Variants in PNO1 observed in about 807,000 individuals in gnomAD.
The protein encoded by PNO1 is partner of NOB1 homolog, also known as RNA-binding protein PNO1.
A neutral mutation model predicts 28.4 loss-of-function variants in PNO1; 16 were observed. The observed-to-expected ratio is 0.56, with a 90% CI of 0.38 to 0.85. The LOEUF (loss-of-function observed/expected upper bound fraction) is 0.85, where lower values mean the gene tolerates loss of function less well. Ranked by LOEUF, PNO1 falls within the 40% of genes least tolerant of loss-of-function variation. The pLI is 0.00. For missense variants in PNO1, 304 were observed against 312.2 expected (o/e 0.97, Z 0.20); for synonymous variants, 115 against 110.8 (o/e 1.04, Z -0.24).
intron 2 of PNO1, among the ~76,000 whole-genome samples, chr2:68,160,472 A>G (rs1341644989): frequency 6.6e-6 from 1 of 152,018 alleles, no homozygotes; most frequent in African/African-American, 2.4e-5. Flanking sequence ...TTTCTCTGTT[A>G]TGGTATGTCC....
At chr2:68,158,589 A>G in intron 2 of PNO1, 60 bp downstream of exon 2, 3 of 1,394,408 alleles carry the variant, frequency 2.2e-6, no homozygotes, top group Non-Finnish European at 2.0e-6. Context: ...AGAGATGAAA[A>G]GGCATGAATA....
intron 2 of PNO1, 125 bp from the exon 3 acceptor site, chr2:68,161,558 T>G: frequency 1.5e-6 from 1 of 668,572 alleles, no homozygotes; most frequent in Non-Finnish European, 2.7e-6. Flanking sequence ...ATACAGAATA[T>G]ATTAGGGAAA....
At chr2:68,161,529 T>G (rs1321392744) in intron 2 of PNO1, among the ~76,000 whole-genome samples, 154 bp from the exon 3 acceptor site, 1 of 152,234 alleles carries the variant, frequency 6.6e-6, no homozygotes, top group Non-Finnish European at 1.5e-5. Context: ...ACAGCACTTA[T>G]CTGACCAGAA....
rs1340843302 is a variant in PNO1, at chr2:68,158,364, G to A, written c.208-16G>A. The A allele has an allele frequency of 2.5e-6, 4 of 1,603,634 alleles. No homozygotes were observed. The highest frequency in any genetic ancestry group is 2.2e-5 in the South Asian group (2 of 89,390). ...CCCTCCATAGCCTTCTGAGTTGTGT[G>A]TTCTTTTATTTACAGAGTGGGAAAG... On this transcript the variant is annotated splice_polypyrimidine_tract_variant and intron_variant, in intron 1 of 6. Coordinates refer to ENST00000263657, the MANE Select transcript of PNO1 (RefSeq NM_020143.4).
intron 5 of PNO1, among the ~76,000 whole-genome samples, chr2:68,170,691 T>C (rs1257809631): frequency 2.3e-5 from 3 of 131,238 alleles, no homozygotes; most frequent in Non-Finnish European, 4.5e-5. Context: ...GAGCTTGCAG[T>C]GAGCCGAGAT....
chr2:68,166,433 A>G (rs769042690), intron 5 of PNO1, among the ~76,000 whole-genome samples: 6 of 152,174 alleles, frequency 3.9e-5, no homozygotes, highest in Non-Finnish European at 8.8e-5. Context: ...GAGAAAATCT[A>G]TCTACTCTTC....
chr2:68,164,307 T>C (rs1198608233), intron 5 of PNO1, among the ~76,000 whole-genome samples: 1 of 151,896 alleles, frequency 6.6e-6, no homozygotes, highest in African/African-American at 2.4e-5. Flanking sequence ...CTGGGCAACA[T>C]AGTGAAACCC....
At chr2:68,161,626 G>A in intron 2 of PNO1, 57 bp from the exon 3 acceptor site, 2 of 1,049,362 alleles carry the variant, frequency 1.9e-6, no homozygotes, top group Non-Finnish European at 3.0e-6. Context: ...TATTTTGTTA[G>A]GACATTTTCT....
At chr2:68,161,415 G>A (rs1673825076) in intron 2 of PNO1, 3 of 462,730 alleles carry the variant, frequency 6.5e-6, no homozygotes, top group Admixed American at 6.5e-5. Context: ...GAGTCTTGCT[G>A]TTAACCCCAA....
intron 6 of PNO1, among the ~76,000 whole-genome samples, 160 bp from the exon 7 acceptor site, chr2:68,174,575 G>A (rs1674222936): frequency 6.6e-6 from 1 of 152,076 alleles, no homozygotes; most frequent in African/African-American, 2.4e-5. Flanking sequence ...GAGGATGTGG[G>A]TAGTTAATGT....
In PNO1 at chr2:68,162,286, T is replaced by C. The variant is rs746674720; in HGVS notation, c.463T>C (p.Leu155=). Residue 155 remains leucine (L), a synonymous_variant, in exon 4 of 7, where the codon TTG becomes CTG. Transcript: ENST00000263657. ...ATAGGATGCACTTGCCCTCATCAGGTTGGATGACCTCTTCCTAGAGTCTTT... is the reference window on the plus strand; with the variant it reads ...ATAGGATGCACTTGCCCTCATCAGGCTGGATGACCTCTTCCTAGAGTCTTT... ...QVEDALALIR[L]DDLFLESFEI... 6.2e-7 allele frequency: 1 copy of C among 1,613,278 alleles called. No individual in the cohort carries two copies. Among genetic ancestry groups the C allele is most frequent in the Non-Finnish European group, 8.5e-7 (1 of 1,179,316 alleles).
At chr2:68,165,817 G>A (rs765830738) in intron 5 of PNO1, among the ~76,000 whole-genome samples, 8 of 152,104 alleles carry the variant, frequency 5.3e-5, no homozygotes, top group Non-Finnish European at 8.8e-5. Flanking sequence ...TTAAACCAAC[G>A]TTTTAGAAGT....
intron 5 of PNO1, among the ~76,000 whole-genome samples, chr2:68,162,926 A>G (rs1673875076): frequency 6.6e-6 from 1 of 152,254 alleles, no homozygotes; most frequent in Non-Finnish European, 1.5e-5. Context: ...GGGCAAAGTC[A>G]TCCGACACAA....
chr2:68,161,405 G>T (rs1558618241), intron 2 of PNO1: 1 of 453,512 alleles, frequency 2.2e-6, no homozygotes, highest in Non-Finnish European at 4.3e-6. Context: ...TGTGCCAGAG[G>T]AGTCTTGCTG....
intron 5 of PNO1, among the ~76,000 whole-genome samples, chr2:68,172,247 G>A (rs921212135): frequency 6.6e-6 from 1 of 152,158 alleles, no homozygotes; most frequent in African/African-American, 2.4e-5. Flanking sequence ...AGGGTGGTGG[G>A]TGATGTGGCC....
chr2:68,171,402 G>T (rs917093609), intron 5 of PNO1, among the ~76,000 whole-genome samples: 13 of 152,158 alleles, frequency 8.5e-5, no homozygotes, highest in African/African-American at 3.1e-4. Context: ...CCAGAGTTCT[G>T]CTTCTTGATA....
chr2:68,158,756 G>A (rs906106651), intron 2 of PNO1, among the ~76,000 whole-genome samples: 1 of 152,154 alleles, frequency 6.6e-6, no homozygotes, highest in Non-Finnish European at 1.5e-5. Context: ...CAAAATACTG[G>A]CTCTTCTTCT....
Position 68,157,989 on chromosome 2 carries a change from G to C in PNO1, c.55G>C (p.Val19Leu). The change falls in exon 1 of 7, where the codon GTC (valine) becomes CTC (leucine). Residue 19 changes from valine (V) to leucine (L), a missense_variant. Transcript: ENST00000263657. ...CAGGGCAGAGGAGGGCTTTACCCAG[G>C]TCACCCGCAAGGGTGGCCGACGGGC... Reference protein sequence around the residue: ...SARAEEGFTQVTRKGGRRAKK... With the variant: ...SARAEEGFTQLTRKGGRRAKK... 1 of 1,614,152 alleles carries C rather than the reference G, an allele frequency of 6.2e-7. No homozygotes were observed. Among genetic ancestry groups the C allele is most frequent in the East Asian group, 2.2e-5 (1 of 44,874 alleles).
In PNO1 at chr2:68,158,130, G is replaced by T. The variant is rs1292205346; in HGVS notation, c.196G>T (p.Asp66Tyr). The T allele has an allele frequency of 8.1e-6, 13 of 1,601,276 alleles. No individual in the cohort carries two copies. The highest frequency in any genetic ancestry group is 1.3e-5 in the African/African-American group (1 of 74,766). ...KRPVFPPLCG[D>Y]GLLSGKEETR... ...GCCCGTCTTCCCACCCCTCTGTGGG[G>T]ACGGGCTCCTGGTATGTGGCTGGGA... Residue 66 changes from aspartate (D) to tyrosine (Y), a missense_variant, in exon 1 of 7, where the codon GAC (aspartate) becomes TAC (tyrosine). By Grantham distance (160) the Asp-to-Tyr change is radical. Coordinates refer to ENST00000263657, the MANE Select transcript of PNO1 (RefSeq NM_020143.4).
Sources: gnomAD v4.1 joint callset for allele counts (sites outside exome capture counted in the v4.1 genomes callset) on GRCh38, gnomAD v4.1.1 for gene constraint, MANE v1.5 for transcripts, NCBI Gene and HGNC (gene_info 2026-07-23, HGNC 2026-07-21) for gene names.